CERS3: variants seen among roughly 807,000 people sequenced by gnomAD.
CERS3 encodes the protein ceramide synthase 3, also known as LAG1 homolog, ceramide synthase 3.
A neutral mutation model predicts 50.3 loss-of-function variants in CERS3; 33 were observed. The ratio of observed to expected loss-of-function variants is 0.66; its 90% CI spans 0.50 to 0.88. CERS3 has a LOEUF of 0.88. Among genes scored for constraint, CERS3 ranks in the 40% least tolerant of loss-of-function variants. The pLI is 0.00. For synonymous variants in CERS3, 176 were observed against 155.2 expected, an observed-to-expected ratio of 1.13 and a Z score of -0.99; for missense variants, 470 against 460.3, an observed-to-expected ratio of 1.02 and a Z score of -0.19.
At chr15:100,540,870 T>G (rs2037186762) in intron 1 of CERS3, among the ~76,000 whole-genome samples, 1 of 152,200 alleles carries the variant, frequency 6.6e-6, no homozygotes, top group Admixed American at 6.5e-5. Flanking sequence ...CTGAGCAGAT[T>G]ATGTCTCTCC....
intron 11 of CERS3, among the ~76,000 whole-genome samples, chr15:100,443,717 T>C (rs2033808472): frequency 6.7e-6 from 1 of 148,218 alleles, no homozygotes; most frequent in Non-Finnish European, 1.5e-5. Flanking sequence ...ACCTGTTACC[T>C]ATCTTAGCAT....
At chr15:100,500,829 T>C (rs898580636) in intron 3 of CERS3, among the ~76,000 whole-genome samples, 2 of 152,178 alleles carry the variant, frequency 1.3e-5, no homozygotes, top group African/African-American at 2.4e-5. Flanking sequence ...GCTCTCAAGA[T>C]AAGGACCCTG....
intron 10 of CERS3, among the ~76,000 whole-genome samples, chr15:100,457,700 G>A (rs1306541090): frequency 1.3e-5 from 2 of 152,196 alleles, no homozygotes; most frequent in East Asian, 1.9e-4. Context: ...GTAGAATTGT[G>A]TGCCATCTGG....
In CERS3 at chr15:100,430,009, T is replaced by A. The variant is rs187507453; in HGVS notation, c.999+25884A>T. Among the ~76,000 whole-genome samples, 142 of 151,930 alleles carry A rather than the reference T, an allele frequency of 9.3e-4. 1 individual carries two copies. Among genetic ancestry groups the A allele is most frequent in the Admixed American group, 1.7e-3 (26 of 15,272 alleles). On this transcript the variant is annotated intron_variant, in intron 11 of 11. Coordinates refer to ENST00000679737, the MANE Select transcript of CERS3 (RefSeq NM_001378789.1). Reference sequence around the variant, plus strand: ...GGGCTTCATCTGTATTCCTCAAAAATGATTGCAAGAATGACCAAAAAAGCC... The same window carrying A: ...GGGCTTCATCTGTATTCCTCAAAAAAGATTGCAAGAATGACCAAAAAAGCC...
chr15:100,450,414 CT>C (rs1263757133), intron 11 of CERS3, among the ~76,000 whole-genome samples: 2 of 50,518 alleles, frequency 4.0e-5, no homozygotes, highest in Non-Finnish European at 6.7e-5. Flanking sequence ...AAGACTCTGT[CT>C]CAAAAAAAAA....
chr15:100,463,694 T>C (rs532810157), intron 10 of CERS3, among the ~76,000 whole-genome samples: 1 of 152,118 alleles, frequency 6.6e-6, no homozygotes, highest in Non-Finnish European at 1.5e-5. Context: ...TCATCAGGTG[T>C]GGAACTGGAA....
chr15:100,511,342 G>A (rs1284101754), intron 2 of CERS3, among the ~76,000 whole-genome samples: 12 of 152,046 alleles, frequency 7.9e-5, no homozygotes, highest in Admixed American at 5.2e-4. Flanking sequence ...TACAGACTGG[G>A]AGAAAATATC....
intron 11 of CERS3, chr15:100,426,186 A>G (rs1394282811): frequency 5.3e-5 from 8 of 152,230 alleles, no homozygotes; most frequent in Non-Finnish European, 1.2e-4. Flanking sequence ...CAATTAATAA[A>G]CTAAATGTTG....
intron 1 of CERS3, among the ~76,000 whole-genome samples, chr15:100,536,534 C>T (rs1206133476): frequency 6.6e-6 from 1 of 152,184 alleles, no homozygotes; most frequent in African/African-American, 2.4e-5. Flanking sequence ...AACTGCTCAC[C>T]TTGGCCTCCC....
At chr15:100,515,567 G>T (rs905780598) in intron 2 of CERS3, among the ~76,000 whole-genome samples, 3 of 152,178 alleles carry the variant, frequency 2.0e-5, no homozygotes, top group African/African-American at 7.2e-5. Flanking sequence ...GAATAGTAAT[G>T]TGGATAGAAA....
intron 1 of CERS3, among the ~76,000 whole-genome samples, chr15:100,543,801 A>G (rs1416935061): frequency 6.6e-6 from 1 of 152,132 alleles, no homozygotes; most frequent in Non-Finnish European, 1.5e-5. Flanking sequence ...AAGTGCTGGG[A>G]TTACAGGCGT....
chr15:100,418,386 G>A (rs572099723), intron 11 of CERS3, among the ~76,000 whole-genome samples: 3 of 150,840 alleles, frequency 2.0e-5, no homozygotes, highest in Admixed American at 1.3e-4. Context: ...AGAGAAAAAA[G>A]AATAAAAAGA....
intron 11 of CERS3, among the ~76,000 whole-genome samples, chr15:100,420,244 G>A (rs1827430529): frequency 7.0e-6 from 1 of 143,770 alleles, no homozygotes; most frequent in Non-Finnish European, 1.5e-5. Flanking sequence ...AATGATAAAG[G>A]GGATATCACC....
chr15:100,456,944 G>GAAA lies in CERS3; in HGVS notation c.846-901_846-899dup, dbSNP rs3079239. 4.5e-3 allele frequency among the ~76,000 whole-genome samples: 610 copies of GAAA among 135,966 alleles called. 6 individuals are homozygous for GAAA. The highest frequency in any genetic ancestry group is 7.8e-3 in the Non-Finnish European group (504 of 64,582). The allele number at this position is 135,966 out of a possible 152,430, so 89.2% of individuals were successfully genotyped here. A position where few individuals can be genotyped will look rare whatever the true frequency, so the allele number is the denominator to read the frequency against. ...CCTGGGTGACAGAGCAAGATTCCGTGAAAAAAAAAAAAAAAAGATATTATT... is the reference window on the plus strand; with the variant it reads ...CCTGGGTGACAGAGCAAGATTCCGTGAAAAAAAAAAAAAAAAAAAGATATTATT... On this transcript the variant is annotated intron_variant, in intron 10 of 11. Transcript: ENST00000679737.
chr15:100,410,706 G>T (rs897151200), intron 11 of CERS3, among the ~76,000 whole-genome samples: 3 of 152,152 alleles, frequency 2.0e-5, no homozygotes, highest in African/African-American at 7.2e-5. Context: ...ACTTTGTCTG[G>T]TATCAAATTT....
intron 8 of CERS3, among the ~76,000 whole-genome samples, chr15:100,475,046 T>A (rs748190844): frequency 3.9e-5 from 6 of 152,238 alleles, no homozygotes; most frequent in Admixed American, 1.3e-4. Flanking sequence ...GTGAAATACA[T>A]GATCGACCTA....
At chr15:100,513,409 G>A (rs11634792) in intron 2 of CERS3, among the ~76,000 whole-genome samples, 1 of 151,876 alleles carries the variant, frequency 6.6e-6, no homozygotes, top group Admixed American at 6.6e-5. Context: ...AGGAGGGCCC[G>A]GGGCGGTTGG....
chr15:100,511,265 C>T (rs1024896168), intron 2 of CERS3, among the ~76,000 whole-genome samples: 19 of 151,974 alleles, frequency 1.3e-4, no homozygotes, highest in Non-Finnish European at 2.5e-4. Context: ...CTCCAGGCTG[C>T]GTGACAGAGC....
At chr15:100,540,736 CA>C (rs2037182949) in intron 1 of CERS3, among the ~76,000 whole-genome samples, 1 of 152,150 alleles carries the variant, frequency 6.6e-6, no homozygotes, top group Non-Finnish European at 1.5e-5. Context: ...GTTCTGACTC[CA>C]GTAAGCTCTT....
Sources: allele counts gnomAD v4.1 joint callset (sites outside exome capture counted in the v4.1 genomes callset), GRCh38; gene constraint gnomAD v4.1.1; transcripts MANE v1.5; gene names NCBI Gene and HGNC (gene_info 2026-07-23, HGNC 2026-07-21).